The following MORC2 variants were observed in gnomAD, a reference collection of about 807,000 sequenced individuals.
MORC2 encodes ATPase MORC2.
Under a neutral mutation model 136.0 loss-of-function variants are expected in MORC2, and 30 were observed. The observed-to-expected ratio is 0.22, with a 90% CI of 0.17 to 0.30. The LOEUF (loss-of-function observed/expected upper bound fraction) is 0.30. MORC2 is among the 10% of genes least tolerant of loss of function. The pLI is 1.00. For missense variants in MORC2, 922 were observed against 1,333.1 expected, an observed-to-expected ratio of 0.69 and a Z score of 4.80; for synonymous variants, 439 against 487.0, an observed-to-expected ratio of 0.90 and a Z score of 1.30.
chr22:30,937,982 A>G lies in MORC2; in HGVS notation c.1215-13T>C. 6.2e-7 allele frequency: 1 copy of G among 1,614,046 alleles called. No homozygotes were observed. Among genetic ancestry groups the G allele is most frequent in the Non-Finnish European group, 8.5e-7 (1 of 1,180,008 alleles). On this transcript the variant is annotated splice_polypyrimidine_tract_variant and intron_variant, in intron 13 of 25. Transcript: ENST00000397641. This position sits in a 1 kb window ranked among gnomAD's most constrained non-coding sequence, Gnocchi z 4.7. ...CCCGCCACATGCCCTACAGGGAGAAAGAGAACAAGCTCTGTCACCCCACTG... is the reference window on the plus strand; with the variant it reads ...CCCGCCACATGCCCTACAGGGAGAAGGAGAACAAGCTCTGTCACCCCACTG...
chr22:30,967,550 G>T (rs1373071741), intron 1 of MORC2: 10 of 1,258,052 alleles, frequency 7.9e-6, no homozygotes, highest in Non-Finnish European at 1.0e-5. Context: ...ACACTTGAAT[G>T]AAACAACTCA....
chr22:30,952,488 G>C (rs963660476), intron 3 of MORC2, among the ~76,000 whole-genome samples: 4 of 152,204 alleles, frequency 2.6e-5, no homozygotes, highest in African/African-American at 4.8e-5. Context: ...TCTGGCTCAA[G>C]GACTTCATTT....
chr22:30,929,078 T>G (rs2040533245), intron 24 of MORC2, among the ~76,000 whole-genome samples: 1 of 152,218 alleles, frequency 6.6e-6, no homozygotes, highest in Non-Finnish European at 1.5e-5. Context: ...TTTTAAAAAC[T>G]GTTACTGGCA....
At chr22:30,946,514 C>T (rs1396523709) in intron 5 of MORC2, 65 bp from the exon 6 acceptor site, 2 of 1,403,656 alleles carry the variant, frequency 1.4e-6, no homozygotes, top group Admixed American at 1.8e-5. Context: ...CAAAAGAAAT[C>T]AATCCACTCT....
chr22:30,960,500 ATTTT>A (rs2041027592), intron 1 of MORC2, among the ~76,000 whole-genome samples: 1 of 151,520 alleles, frequency 6.6e-6, no homozygotes, highest in Non-Finnish European at 1.5e-5. Context: ...TTATTTATTT[ATTTT>A]GAGACGGAGT....
chr22:30,955,137 T>C (rs2040948069), intron 3 of MORC2, among the ~76,000 whole-genome samples: 1 of 152,052 alleles, frequency 6.6e-6, no homozygotes, highest in Non-Finnish European at 1.5e-5. Flanking sequence ...TTTGTATTTT[T>C]AGTAGAGACA....
intron 12 of MORC2, among the ~76,000 whole-genome samples, chr22:30,938,639 C>T (rs979201413): frequency 1.1e-4 from 16 of 152,080 alleles, no homozygotes; most frequent in Admixed American, 2.0e-4. Flanking sequence ...GTGCGATCTC[C>T]GCTCACTGCA....
At chr22:30,963,908 T>A (rs1390908187) in intron 1 of MORC2, among the ~76,000 whole-genome samples, 2 of 152,236 alleles carry the variant, frequency 1.3e-5, no homozygotes, top group Non-Finnish European at 2.9e-5. Flanking sequence ...CCTTAATTGC[T>A]AGAAAATAAA....
chr22:30,951,101 C>A (rs2040880208), intron 3 of MORC2, among the ~76,000 whole-genome samples: 1 of 152,224 alleles, frequency 6.6e-6, no homozygotes, highest in South Asian at 2.1e-4. Context: ...GCACATGGTA[C>A]AACGTGGAGG....
At chr22:30,956,223 TAGGA>T (rs2040966236) in intron 3 of MORC2, among the ~76,000 whole-genome samples, 1 of 152,026 alleles carries the variant, frequency 6.6e-6, no homozygotes. Context: ...CAAAACGAAA[TAGGA>T]TGTTGACAGG....
chr22:30,966,573 G>A (rs773725944), intron 1 of MORC2, among the ~76,000 whole-genome samples: 1 of 152,050 alleles, frequency 6.6e-6, no homozygotes, highest in Non-Finnish European at 1.5e-5. Context: ...TCAGGAGTTC[G>A]GGACCAGCCT....
intron 1 of MORC2, chr22:30,967,326 A>C: frequency 2.0e-6 from 2 of 987,610 alleles, no homozygotes; most frequent in Non-Finnish European, 2.4e-6. Context: ...GGATGTGAGC[A>C]ATCTGCCAGG....
At chr22:30,930,978 A>G (rs749654055) in intron 24 of MORC2, among the ~76,000 whole-genome samples, 1 of 152,154 alleles carries the variant, frequency 6.6e-6, no homozygotes, top group Non-Finnish European at 1.5e-5. Context: ...TAGCTTTGTC[A>G]TCAACCTCCA....
rs1400151680 is a variant in MORC2, at chr22:30,932,882, G to T, written c.2522+7C>A. ...GAACCACTGCTCCTCCCTGATTGGGGCATTACCAGCGGTCTCTTGGTGTCG... is the reference window on the plus strand; with the variant it reads ...GAACCACTGCTCCTCCCTGATTGGGTCATTACCAGCGGTCTCTTGGTGTCG... On this transcript the variant is annotated splice_region_variant and intron_variant, in intron 22 of 25. Coordinates refer to ENST00000397641, the MANE Select transcript of MORC2 (RefSeq NM_001303256.3). This position sits in a 1 kb window ranked among gnomAD's most constrained non-coding sequence, Gnocchi z 4.4. 6.2e-7 allele frequency: 1 copy of T among 1,614,000 alleles called. No homozygotes were observed. The highest frequency in any genetic ancestry group is 1.7e-5 in the Admixed American group (1 of 59,998).
At chr22:30,936,449 T>G (rs765831080) in intron 17 of MORC2, 62 bp downstream of exon 17, 1 of 1,594,504 alleles carries the variant, frequency 6.3e-7, no homozygotes, top group African/African-American at 1.3e-5. Flanking sequence ...CTACTGAAGG[T>G]TCCTGTCACA....
intron 4 of MORC2, 40 bp downstream of exon 4, chr22:30,950,337 G>GCGGGCCCCCC: frequency 7.9e-6 from 6 of 761,754 alleles, no homozygotes; most frequent in Non-Finnish European, 1.2e-5. Flanking sequence ...TGGTTACATC[G>GCGGGCCCCCC]CACCCCCCCA....
chr22:30,938,603 T>G (rs1244079974), intron 12 of MORC2, among the ~76,000 whole-genome samples: 1 of 152,218 alleles, frequency 6.6e-6, no homozygotes, highest in Non-Finnish European at 1.5e-5. Flanking sequence ...ATAGTCTTGC[T>G]CTGTCGCCCA....
rs192041829 is a variant in MORC2 at position 30,931,305 on chromosome 22, C to T, written c.2841+1054G>A. 1.9e-4 allele frequency among the ~76,000 whole-genome samples: 29 copies of T among 152,358 alleles called. No homozygotes were observed. The East Asian group carries it at 5.2e-3, about 27-fold the overall frequency. On this transcript the variant is annotated intron_variant, in intron 24 of 25. Transcript: ENST00000397641. Reference sequence around the variant, plus strand: ...CACAGCACATCCATTCCTTTACATACTGTCTGTGGTTGCTTTCGTGCTATA... The same window carrying T: ...CACAGCACATCCATTCCTTTACATATTGTCTGTGGTTGCTTTCGTGCTATA...
rs764119871 is a variant in MORC2, at chr22:30,937,981, AAG to A, written c.1215-14_1215-13del. On this transcript the variant is annotated splice_polypyrimidine_tract_variant and intron_variant, in intron 13 of 25. Transcript: ENST00000397641. The surrounding 1 kb of genome is among the most constrained non-coding windows in gnomAD (Gnocchi z 4.7). ...CCCCGCCACATGCCCTACAGGGAGA[AAG>A]AGAACAAGCTCTGTCACCCCACTGG... The A allele has an allele frequency of 2.5e-6, 4 of 1,614,010 alleles. No individual in the cohort carries two copies. In the East Asian group the frequency reaches 8.9e-5, roughly 36 times the overall value.
Sources: gnomAD v4.1 joint callset for allele counts (sites outside exome capture counted in the v4.1 genomes callset) on GRCh38, gnomAD v4.1.1 for gene constraint, Gnocchi (gnomAD v3.1) non-coding constraint, MANE v1.5 for transcripts, NCBI Gene and HGNC (gene_info 2026-07-23, HGNC 2026-07-21) for gene names.